The following PHTF2 variants were observed in gnomAD, a reference collection of about 807,000 sequenced individuals.
PHTF2 encodes putative homeodomain transcription factor 2.
In PHTF2, 60 loss-of-function variants were observed where a neutral mutation model predicts 101.2. That is an observed-to-expected ratio of 0.59 (90% confidence interval 0.48 to 0.73). PHTF2 has a LOEUF of 0.73. PHTF2 is among the 30% of genes least tolerant of loss of function. PHTF2 has a pLI of 0.00. For synonymous variants in PHTF2, 311 were observed against 307.3 expected (o/e 1.01, Z -0.13); for missense variants, 747 against 908.7 (o/e 0.82, Z 2.29).
At chr7:77,912,770 T>C (rs1275938871) in intron 9 of PHTF2, among the ~76,000 whole-genome samples, 2 of 128,918 alleles carry the variant, frequency 1.6e-5, no homozygotes, top group East Asian at 4.9e-4. Flanking sequence ...CTCACTGCTG[T>C]AGTCCTTGGT....
At chr7:77,947,784 C>G (rs1334768256) in intron 16 of PHTF2, among the ~76,000 whole-genome samples, 3 of 149,414 alleles carry the variant, frequency 2.0e-5, no homozygotes, top group Non-Finnish European at 4.4e-5. Flanking sequence ...TTTTGAAGAA[C>G]AAGTTGCTGT....
chr7:77,953,514 A>G (rs1806731465), intron 18 of PHTF2, among the ~76,000 whole-genome samples: 1 of 152,180 alleles, frequency 6.6e-6, no homozygotes, highest in African/African-American at 2.4e-5. Context: ...TCTTTATAAT[A>G]GCTTAAGGGA....
At chr7:77,927,195 TACATAC>T (rs1455344602) in intron 11 of PHTF2, among the ~76,000 whole-genome samples, 1,261 of 78,486 alleles carry the variant, frequency 0.016, 29 homozygotes, top group African/African-American at 0.044. Context: ...TATATATATA[TACATAC>T]ACACACACAC....
chr7:77,927,177 A>AAAAAAAATATATATATATAT (rs1554388762), intron 11 of PHTF2, among the ~76,000 whole-genome samples: 1 of 78,160 alleles, frequency 1.3e-5, no homozygotes, highest in Middle Eastern at 8.3e-3. Flanking sequence ...AAAAAAAAAA[A>AAAAAAAATATATATATATAT]ATATATATAT....
intron 19 of PHTF2, among the ~76,000 whole-genome samples, chr7:77,954,535 G>A (rs1806814024): frequency 6.7e-6 from 1 of 148,986 alleles, no homozygotes; most frequent in Middle Eastern, 3.4e-3. Flanking sequence ...TATCTGTATA[G>A]CAATGCATAC....
At chr7:77,918,547 A>G (rs905209971) in intron 9 of PHTF2, among the ~76,000 whole-genome samples, 3 of 152,124 alleles carry the variant, frequency 2.0e-5, no homozygotes, top group Non-Finnish European at 2.9e-5. Context: ...CATTTTCAGG[A>G]TATCAAGTAA....
intron 1 of PHTF2, among the ~76,000 whole-genome samples, chr7:77,829,859 CTGAG>C (rs1234271769): frequency 1.3e-5 from 2 of 152,136 alleles, no homozygotes; most frequent in Admixed American, 1.3e-4. Flanking sequence ...GTATTGGTGA[CTGAG>C]TGACATGTCA....
chr7:77,844,648 C>G (rs762291507), intron 2 of PHTF2, among the ~76,000 whole-genome samples: 2 of 152,164 alleles, frequency 1.3e-5, no homozygotes, highest in African/African-American at 2.4e-5. Flanking sequence ...CCTCAGCCTC[C>G]CCAGTAGCTG....
chr7:77,901,712 T>A, intron 6 of PHTF2, 50 bp from the exon 6 acceptor site: 1 of 1,062,002 alleles, frequency 9.4e-7, no homozygotes, highest in Non-Finnish European at 1.2e-6. Flanking sequence ...TTAAAGAAAT[T>A]AAAGAATAAT....
At chr7:77,949,434 A>G (rs1031073480) in intron 16 of PHTF2, among the ~76,000 whole-genome samples, 1 of 152,140 alleles carries the variant, frequency 6.6e-6, no homozygotes, top group Non-Finnish European at 1.5e-5. Flanking sequence ...TGAATCTGTA[A>G]TATTATTTTT....
chr7:77,832,033 AT>A (rs57416130), intron 1 of PHTF2, among the ~76,000 whole-genome samples: 16,583 of 143,328 alleles, frequency 0.12, 1,176 homozygotes, highest in African/African-American at 0.21. Context: ...CTCTCCAGAG[AT>A]TTTTTTTTTT....
intron 1 of PHTF2, among the ~76,000 whole-genome samples, chr7:77,822,031 C>A (rs1438078950): frequency 1.3e-5 from 2 of 152,166 alleles, no homozygotes; most frequent in African/African-American, 4.8e-5. Context: ...AGATGTGTAG[C>A]CTCTCTGCCA....
chr7:77,879,622 T>C (rs1799241880), intron 3 of PHTF2, among the ~76,000 whole-genome samples: 2 of 152,184 alleles, frequency 1.3e-5, no homozygotes, highest in Admixed American at 1.3e-4. Flanking sequence ...GCATTTTGGC[T>C]CTTTAACTCA....
At chr7:77,805,816 T>A (rs981771683) in intron 1 of PHTF2, among the ~76,000 whole-genome samples, 13 of 152,328 alleles carry the variant, frequency 8.5e-5, no homozygotes, top group African/African-American at 3.1e-4. Flanking sequence ...ATGGCCCAGA[T>A]TATGGTCTGC....
intron 1 of PHTF2, among the ~76,000 whole-genome samples, chr7:77,804,373 G>A (rs528386478): frequency 3.9e-5 from 6 of 152,058 alleles, no homozygotes; most frequent in Non-Finnish European, 7.4e-5. Flanking sequence ...TTGCCCAGGC[G>A]GGAGTGCAGT....
intron 7 of PHTF2, among the ~76,000 whole-genome samples, chr7:77,905,789 C>T (rs115873601): frequency 6.6e-6 from 1 of 152,252 alleles, no homozygotes; most frequent in African/African-American, 2.4e-5. Flanking sequence ...TGAGCCATTG[C>T]ATCCAGCCTA....
chr7:77,820,844 C>A (rs1307384546), intron 1 of PHTF2, among the ~76,000 whole-genome samples: 1 of 152,080 alleles, frequency 6.6e-6, no homozygotes, highest in African/African-American at 2.4e-5. Flanking sequence ...CTTTTTTCCT[C>A]TCTTATTGTT....
At chr7:77,813,063 A>G (rs906171220) in intron 1 of PHTF2, among the ~76,000 whole-genome samples, 2 of 152,208 alleles carry the variant, frequency 1.3e-5, no homozygotes, top group African/African-American at 4.8e-5. Flanking sequence ...TCATCTATAG[A>G]TGCATGGTAT....
chr7:77,880,617 C>T (rs988497582), intron 3 of PHTF2, among the ~76,000 whole-genome samples: 4 of 152,120 alleles, frequency 2.6e-5, no homozygotes, highest in African/African-American at 7.2e-5. Context: ...ACCCCCACAA[C>T]GTCCTCCTTC....
Sources: allele counts gnomAD v4.1 joint callset (sites outside exome capture counted in the v4.1 genomes callset), GRCh38; gene constraint gnomAD v4.1.1; transcripts MANE v1.5; gene names NCBI Gene and HGNC (gene_info 2026-07-23, HGNC 2026-07-21).